The following SLC35F3 variants were observed in gnomAD, a reference collection of about 807,000 sequenced individuals.
The protein encoded by SLC35F3 is solute carrier family 35 member F3, also known as putative thiamine transporter SLC35F3.
In SLC35F3, 25 loss-of-function variants were observed where a neutral mutation model predicts 49.9. The observed-to-expected ratio is 0.50, with a 90% CI of 0.37 to 0.70. The LOEUF (loss-of-function observed/expected upper bound fraction) is 0.70, where lower values mean the gene tolerates loss of function less well. Ranked by LOEUF, SLC35F3 falls within the 30% of genes least tolerant of loss-of-function variation. SLC35F3 has a pLI of 0.00. For synonymous variants in SLC35F3, 275 were observed against 265.4 expected, an observed-to-expected ratio of 1.04 and a Z score of -0.35; for missense variants, 525 against 639.8, an observed-to-expected ratio of 0.82 and a Z score of 1.94.
intron 2 of SLC35F3, among the ~76,000 whole-genome samples, chr1:234,109,682 C>T (rs1665376274): frequency 6.6e-6 from 1 of 152,110 alleles, no homozygotes; most frequent in Non-Finnish European, 1.5e-5. Flanking sequence ...CAACAGGATG[C>T]AAAAGTGAGC....
intron 3 of SLC35F3, among the ~76,000 whole-genome samples, chr1:234,272,651 T>C (rs1233767544): frequency 6.6e-6 from 1 of 152,256 alleles, no homozygotes; most frequent in Non-Finnish European, 1.5e-5. Context: ...AAAGAAGCTT[T>C]ATTGCTCTTT....
intron 3 of SLC35F3, among the ~76,000 whole-genome samples, chr1:234,277,390 C>A (rs746641273): frequency 6.6e-6 from 1 of 152,216 alleles, no homozygotes; most frequent in Non-Finnish European, 1.5e-5. Context: ...AGAGGCAGCT[C>A]ACCAAACAGC....
In SLC35F3 at chr1:234,130,497, G is replaced by A. The variant is rs1019379737; in HGVS notation, c.284-100920G>A. On this transcript the variant is annotated intron_variant, in intron 2 of 7. Transcript: ENST00000366618. ...CTAAAAAAAAAAAAAAAATTAGCCA[G>A]GCGTGGTGGCGAGCACCTGTAGTCT... Among the ~76,000 whole-genome samples the A allele has an allele frequency of 4.2e-4, 62 of 148,810 alleles. 1 individual carries two copies. The highest frequency in any genetic ancestry group is 1.5e-3 in the African/African-American group (60 of 40,510).
At chr1:233,968,141 GC>G (rs1197725594) in intron 2 of SLC35F3, among the ~76,000 whole-genome samples, 2 of 152,136 alleles carry the variant, frequency 1.3e-5, no homozygotes, top group Non-Finnish European at 2.9e-5. Flanking sequence ...TCTGGGGGTT[GC>G]CAGCAGTCAA....
rs11361148 is a variant in SLC35F3, at chr1:234,201,912, CAA to C, written c.284-29487_284-29486del. Reference sequence around the variant, plus strand: ...TGGGCTACAGAGCTAGACTTCTTCTCAAAAAAAAAAAAAAAAAAAGAAGGAGT... The same window carrying C: ...TGGGCTACAGAGCTAGACTTCTTCTCAAAAAAAAAAAAAAAAAGAAGGAGT... On this transcript the variant is annotated intron_variant, in intron 2 of 7. Coordinates refer to ENST00000366618, the MANE Select transcript of SLC35F3 (RefSeq NM_173508.4). 6.4e-3 allele frequency among the ~76,000 whole-genome samples: 716 copies of C among 111,882 alleles called. 4 individuals are homozygous for C. The highest frequency in any genetic ancestry group is 0.018 in the African/African-American group (533 of 29,142). 73.4% of individuals were successfully genotyped at this position (111,882 alleles called of 152,430 possible). A position where few individuals can be genotyped will look rare whatever the true frequency, so the allele number is the denominator to read the frequency against.
intron 2 of SLC35F3, among the ~76,000 whole-genome samples, chr1:234,181,104 G>C (rs1447161539): frequency 6.6e-6 from 1 of 152,150 alleles, no homozygotes; most frequent in Admixed American, 6.5e-5. Flanking sequence ...AACCTGAGAT[G>C]GGTGGATCAC....
chr1:233,981,029 A>G (rs937059490), intron 2 of SLC35F3, among the ~76,000 whole-genome samples: 3 of 152,162 alleles, frequency 2.0e-5, no homozygotes, highest in African/African-American at 7.2e-5. Flanking sequence ...TTTATCTTTT[A>G]ATTTTGAAGT....
chr1:234,090,435 T>G (rs1230022048), intron 2 of SLC35F3, among the ~76,000 whole-genome samples: 1 of 152,242 alleles, frequency 6.6e-6, no homozygotes, highest in African/African-American at 2.4e-5. Context: ...GAAAATATTT[T>G]TTATTCACAA....
chr1:234,250,074 G>A (rs994695357), intron 3 of SLC35F3, among the ~76,000 whole-genome samples: 4 of 152,196 alleles, frequency 2.6e-5, no homozygotes, highest in African/African-American at 7.2e-5. Flanking sequence ...TATAGGCCCT[G>A]TAGTAGACCT....
At chr1:233,941,472 G>C (rs1171106194) in intron 2 of SLC35F3, among the ~76,000 whole-genome samples, 1 of 152,168 alleles carries the variant, frequency 6.6e-6, no homozygotes, top group East Asian at 1.9e-4. Context: ...GAACCTCCAG[G>C]AAGGCAGGGG....
chr1:234,126,683 T>TTTCC (rs1553307665), intron 2 of SLC35F3, among the ~76,000 whole-genome samples: 9 of 151,944 alleles, frequency 5.9e-5, no homozygotes, highest in African/African-American at 2.2e-4. Context: ...TAATGTTTTC[T>TTTCC]TTTCTTTCTT....
At chr1:234,159,016 AT>A (rs942828157) in intron 2 of SLC35F3, among the ~76,000 whole-genome samples, 1 of 152,046 alleles carries the variant, frequency 6.6e-6, no homozygotes, top group Non-Finnish European at 1.5e-5. Flanking sequence ...ATGTTTCACT[AT>A]TTTTTTAATG....
At chr1:233,972,555 A>T (rs1663012909) in intron 2 of SLC35F3, among the ~76,000 whole-genome samples, 1 of 152,178 alleles carries the variant, frequency 6.6e-6, no homozygotes, top group African/African-American at 2.4e-5. Context: ...ATTACCTCAC[A>T]TGGCTGTTTT....
At chr1:234,279,531 CAGG>C (rs1160571929) in intron 3 of SLC35F3, among the ~76,000 whole-genome samples, 1 of 152,136 alleles carries the variant, frequency 6.6e-6, no homozygotes, top group Admixed American at 6.5e-5. Context: ...GACAGAGAGC[CAGG>C]AGCTGAGTGT....
At chr1:234,026,863 T>C (rs574980799) in intron 2 of SLC35F3, 2 of 152,268 alleles carry the variant, frequency 1.3e-5, no homozygotes, top group Non-Finnish European at 2.9e-5. Context: ...CTCAGCAAAG[T>C]GTACAAAGGC....
chr1:234,147,230 CTTTTTTT>C (rs201359916), intron 2 of SLC35F3, among the ~76,000 whole-genome samples: 3 of 125,096 alleles, frequency 2.4e-5, no homozygotes, highest in South Asian at 2.4e-4. Flanking sequence ...TTTCTATTTT[CTTTTTTT>C]TTTTTTTTTG....
chr1:234,165,222 G>A (rs1666296412), intron 2 of SLC35F3, among the ~76,000 whole-genome samples: 1 of 152,122 alleles, frequency 6.6e-6, no homozygotes. Flanking sequence ...ATAGATTAAA[G>A]GAAAGCACTT....
intron 3 of SLC35F3, among the ~76,000 whole-genome samples, chr1:234,248,510 G>T (rs1667683060): frequency 6.6e-6 from 1 of 152,298 alleles, no homozygotes; most frequent in Non-Finnish European, 1.5e-5. Flanking sequence ...CTCGTCCATT[G>T]TTTGATGGGT....
chr1:234,035,926 A>G (rs1664133916), intron 2 of SLC35F3, among the ~76,000 whole-genome samples: 1 of 152,134 alleles, frequency 6.6e-6, no homozygotes, highest in South Asian at 2.1e-4. Flanking sequence ...CTATATTTCA[A>G]ATTAAAGAAT....
Sources: allele counts gnomAD v4.1 joint callset (sites outside exome capture counted in the v4.1 genomes callset), GRCh38; gene constraint gnomAD v4.1.1; transcripts MANE v1.5; gene names NCBI Gene and HGNC (gene_info 2026-07-23, HGNC 2026-07-21).